CCDC91: variants seen among roughly 807,000 people sequenced by gnomAD.
CCDC91 encodes the protein coiled-coil domain-containing protein 91.
CCDC91 carries 48 observed loss-of-function variants against 63.2 expected under a neutral mutation model. The ratio of observed to expected loss-of-function variants is 0.76; its 90% CI spans 0.60 to 0.97. CCDC91 has a LOEUF of 0.97. Ranked by LOEUF, CCDC91 falls within the 50% of genes least tolerant of loss-of-function variation. CCDC91 has a pLI of 0.00. For missense variants in CCDC91, 500 were observed against 494.6 expected (o/e 1.01, Z -0.10); for synonymous variants, 167 against 165.8 (o/e 1.01, Z -0.06).
chr12:28,476,330 C>T (rs1218845809), intron 11 of CCDC91, among the ~76,000 whole-genome samples: 5 of 151,952 alleles, frequency 3.3e-5, no homozygotes, highest in South Asian at 2.1e-4. Context: ...CATTCAAAAC[C>T]GGTCAACTGC....
intron 8 of CCDC91, among the ~76,000 whole-genome samples, chr12:28,404,813 T>C (rs928726275): frequency 2.0e-5 from 3 of 152,082 alleles, no homozygotes; most frequent in Non-Finnish European, 4.4e-5. Context: ...TACATGTGTT[T>C]CTTTTCATCA....
intron 3 of CCDC91, among the ~76,000 whole-genome samples, chr12:28,301,712 T>A (rs1162017606): frequency 1.3e-5 from 2 of 151,702 alleles, no homozygotes; most frequent in Non-Finnish European, 3.0e-5. Flanking sequence ...TGTTGGGTAG[T>A]TGCCTATTTT....
chr12:28,269,157 T>TAC (rs1295053225), intron 3 of CCDC91, among the ~76,000 whole-genome samples: 3 of 152,154 alleles, frequency 2.0e-5, no homozygotes, highest in African/African-American at 7.2e-5. Context: ...ATACTTTGTA[T>TAC]TTACTCAGGT....
chr12:28,534,231 T>C (rs762926054), intron 12 of CCDC91, among the ~76,000 whole-genome samples: 2 of 152,180 alleles, frequency 1.3e-5, no homozygotes, highest in Non-Finnish European at 2.9e-5. Flanking sequence ...GATCATAATT[T>C]AGGCAGTGCT....
At chr12:28,243,803 C>T (rs940613401) in intron 1 of CCDC91, among the ~76,000 whole-genome samples, 3 of 152,028 alleles carry the variant, frequency 2.0e-5, no homozygotes, top group Non-Finnish European at 4.4e-5. Flanking sequence ...AAGCAACAAG[C>T]CCAAGTGATT....
intron 12 of CCDC91, among the ~76,000 whole-genome samples, chr12:28,485,699 T>C (rs1348580569): frequency 6.6e-6 from 1 of 152,202 alleles, no homozygotes; most frequent in Non-Finnish European, 1.5e-5. Flanking sequence ...AAATTCCTGA[T>C]AGATGCCTAA....
chr12:28,230,169 G>A (rs1944499375), intron 1 of CCDC91, among the ~76,000 whole-genome samples: 1 of 152,178 alleles, frequency 6.6e-6, no homozygotes, highest in South Asian at 2.1e-4. Context: ...AAGGATATGT[G>A]TAATCTGGGG....
chr12:28,311,158 A>G (rs1295797352), intron 6 of CCDC91, among the ~76,000 whole-genome samples: 2 of 152,016 alleles, frequency 1.3e-5, no homozygotes, highest in South Asian at 2.1e-4. Flanking sequence ...CACCCTGGGT[A>G]GGAGGGATAC....
At chr12:28,313,636 T>A (rs1196160118) in intron 6 of CCDC91, among the ~76,000 whole-genome samples, 3 of 152,044 alleles carry the variant, frequency 2.0e-5, no homozygotes, top group African/African-American at 7.2e-5. Flanking sequence ...TGATATGGTC[T>A]AATTACCAGG....
intron 1 of CCDC91, among the ~76,000 whole-genome samples, chr12:28,228,342 G>A (rs1238763868): frequency 6.6e-6 from 1 of 152,054 alleles, no homozygotes; most frequent in Non-Finnish European, 1.5e-5. Context: ...TTGTTGCATA[G>A]ATATATTGTG....
intron 8 of CCDC91, among the ~76,000 whole-genome samples, chr12:28,396,713 A>G (rs75331836): frequency 6.6e-6 from 1 of 151,770 alleles, no homozygotes; most frequent in Non-Finnish European, 1.5e-5. Context: ...ACACAAACAC[A>G]TATATTTTAT....
intron 12 of CCDC91, among the ~76,000 whole-genome samples, chr12:28,516,721 G>C (rs1470636406): frequency 6.6e-6 from 1 of 151,942 alleles, no homozygotes; most frequent in Non-Finnish European, 1.5e-5. Context: ...ATCCTCCCAT[G>C]GCAGAAGATG....
At chr12:28,299,313 T>C (rs1937776886) in intron 3 of CCDC91, among the ~76,000 whole-genome samples, 1 of 151,616 alleles carries the variant, frequency 6.6e-6, no homozygotes, top group Non-Finnish European at 1.5e-5. Flanking sequence ...TTTTCTTCCC[T>C]TTCCTTCTCA....
chr12:28,286,031 T>G (rs1948894509), intron 3 of CCDC91, among the ~76,000 whole-genome samples: 1 of 151,992 alleles, frequency 6.6e-6, no homozygotes, highest in Admixed American at 6.6e-5. Flanking sequence ...AGAACTGGGA[T>G]GTGAATCTAG....
At chr12:28,246,368 A>G (rs1014169283) in intron 1 of CCDC91, among the ~76,000 whole-genome samples, 3 of 152,144 alleles carry the variant, frequency 2.0e-5, no homozygotes, top group African/African-American at 4.8e-5. Flanking sequence ...CGTGATTACT[A>G]TGTGACACTT....
chr12:28,535,953 C>T (rs567356771), intron 12 of CCDC91, among the ~76,000 whole-genome samples: 127 of 151,228 alleles, frequency 8.4e-4, no homozygotes, highest in African/African-American at 2.9e-3. Context: ...GGCATGAACC[C>T]GGGAGGCGTA....
intron 6 of CCDC91, among the ~76,000 whole-genome samples, chr12:28,339,210 A>G: frequency 6.6e-6 from 1 of 151,976 alleles, no homozygotes; most frequent in Non-Finnish European, 1.5e-5. Flanking sequence ...AGCATGAAGG[A>G]AAGGGAGTAG....
chr12:28,296,658 A>G (rs1395747559), intron 3 of CCDC91, among the ~76,000 whole-genome samples: 2 of 151,928 alleles, frequency 1.3e-5, no homozygotes, highest in Admixed American at 1.3e-4. Flanking sequence ...TACATTATAT[A>G]TCAAGGGTCA....
intron 12 of CCDC91, among the ~76,000 whole-genome samples, chr12:28,501,324 T>C (rs1438055970): frequency 6.6e-6 from 1 of 151,924 alleles, no homozygotes; most frequent in Admixed American, 6.6e-5. Flanking sequence ...GCCCATTCAG[T>C]ATGATATTGG....
Sources: allele counts gnomAD v4.1 joint callset (sites outside exome capture counted in the v4.1 genomes callset), GRCh38; gene constraint gnomAD v4.1.1; transcripts MANE v1.5; gene names NCBI Gene and HGNC (gene_info 2026-07-23, HGNC 2026-07-21).